Variants in CSMD2 observed in about 807,000 individuals in gnomAD.
The protein encoded by CSMD2 is CUB and Sushi multiple domains 2.
In CSMD2, 130 loss-of-function variants were observed where a neutral mutation model predicts 398.5. The observed-to-expected ratio is 0.33, with a 90% CI of 0.28 to 0.38. CSMD2 has a LOEUF of 0.38. CSMD2 is among the 10% of genes least tolerant of loss of function. CSMD2 has a pLI of 1.00. For synonymous variants in CSMD2, 1,828 were observed against 1,908.5 expected, an observed-to-expected ratio of 0.96 and a Z score of 1.10; for missense variants, 3,829 against 4,764.9, an observed-to-expected ratio of 0.80 and a Z score of 5.78.
At chr1:33,994,599 G>A (rs1471349332) in intron 3 of CSMD2, among the ~76,000 whole-genome samples, 5 of 151,986 alleles carry the variant, frequency 3.3e-5, no homozygotes, top group African/African-American at 7.3e-5. Flanking sequence ...CCAGCACATG[G>A]TAGATATTCC....
Position 33,540,558 on chromosome 1 carries a change from C to T in CSMD2, c.9598G>A (p.Gly3200Arg). 6.2e-7 allele frequency: 1 copy of T among 1,614,202 alleles called. No homozygotes were observed. Among genetic ancestry groups the T allele is most frequent in the Admixed American group, 1.7e-5 (1 of 60,030 alleles). The part of the protein sequence containing the change: ...LPAVFTCEGN[G>R]SWTGELPQCF... Reference sequence around the variant, plus strand: ...TGAGGCAGCTCTCCGGTCCAGGACCCATTTCCCTCACAGGTGAACACCGCG... The same window carrying T: ...TGAGGCAGCTCTCCGGTCCAGGACCTATTTCCCTCACAGGTGAACACCGCG... Residue 3200 changes from glycine (G) to arginine (R), a missense_variant, in exon 60 of 71, where the codon GGG becomes AGG. Gly to Arg is a moderately radical substitution (Grantham distance 125). Coordinates refer to ENST00000373381, the MANE Select transcript of CSMD2 (RefSeq NM_001281956.2).
chr1:34,083,201 GATCACAC>G (rs1657458273), intron 2 of CSMD2, among the ~76,000 whole-genome samples: 1 of 152,136 alleles, frequency 6.6e-6, no homozygotes, highest in Non-Finnish European at 1.5e-5. Flanking sequence ...TGTGTGGTTA[GATCACAC>G]ACACAAAAAA....
At chr1:34,064,245 T>G (rs1198394027) in intron 2 of CSMD2, among the ~76,000 whole-genome samples, 1 of 152,176 alleles carries the variant, frequency 6.6e-6, no homozygotes, top group African/African-American at 2.4e-5. Context: ...GAATTTCTCC[T>G]CAAAAAATGG....
At chr1:33,517,091 C>A (rs1397370658) in intron 70 of CSMD2, among the ~76,000 whole-genome samples, 4 of 152,128 alleles carry the variant, frequency 2.6e-5, no homozygotes, top group Non-Finnish European at 5.9e-5. Context: ...ACCGCACAGG[C>A]CTCGTTGCTT....
intron 2 of CSMD2, among the ~76,000 whole-genome samples, chr1:34,054,450 G>A (rs1283600378): frequency 6.6e-6 from 1 of 152,120 alleles, no homozygotes; most frequent in African/African-American, 2.4e-5. Flanking sequence ...GGCCAGGTGC[G>A]GTGGCTCATG....
chr1:33,840,166 T>A (rs151073639), intron 6 of CSMD2: 7 of 152,318 alleles, frequency 4.6e-5, no homozygotes, highest in African/African-American at 1.7e-4. Context: ...TTTGTCATTA[T>A]TAATAAGCCA....
intron 44 of CSMD2, among the ~76,000 whole-genome samples, chr1:33,597,301 CCT>C (rs1437118955): frequency 1.3e-5 from 2 of 152,030 alleles, no homozygotes; most frequent in Non-Finnish European, 2.9e-5. Context: ...TCTTGAATAT[CCT>C]CTCTTAGGTT....
At chr1:34,080,484 C>A (rs1021464762) in intron 2 of CSMD2, among the ~76,000 whole-genome samples, 1 of 151,942 alleles carries the variant, frequency 6.6e-6, no homozygotes, top group African/African-American at 2.4e-5. Flanking sequence ...GGAAACAAGT[C>A]AACAAATTCT....
chr1:33,911,447 A>T (rs943309586), intron 5 of CSMD2, among the ~76,000 whole-genome samples: 4 of 152,210 alleles, frequency 2.6e-5, no homozygotes, highest in African/African-American at 9.6e-5. Flanking sequence ...CTAATAATTA[A>T]AGCAAGATCA....
At chr1:33,765,596 C>A (rs1162914937) in intron 13 of CSMD2, among the ~76,000 whole-genome samples, 1 of 152,128 alleles carries the variant, frequency 6.6e-6, no homozygotes, top group Non-Finnish European at 1.5e-5. Context: ...AAATTACTGA[C>A]AAATAACCAA....
At chr1:33,827,780 A>G (rs1372622849) in intron 6 of CSMD2, among the ~76,000 whole-genome samples, 1 of 152,226 alleles carries the variant, frequency 6.6e-6, no homozygotes, top group Admixed American at 6.5e-5. Flanking sequence ...AAAGTGGTTT[A>G]GGTGACTTGC....
chr1:33,707,421 T>G (rs553234647), intron 22 of CSMD2, among the ~76,000 whole-genome samples: 1 of 152,118 alleles, frequency 6.6e-6, no homozygotes, highest in African/African-American at 2.4e-5. Context: ...CTCAAATGGA[T>G]GGAGGGAAGT....
chr1:33,826,278 T>A (rs962678588), intron 6 of CSMD2, among the ~76,000 whole-genome samples: 3 of 152,076 alleles, frequency 2.0e-5, no homozygotes, highest in African/African-American at 7.3e-5. Context: ...ATTTTTTAGC[T>A]CCCTCCATTA....
intron 33 of CSMD2, among the ~76,000 whole-genome samples, 192 bp from the exon 34 acceptor site, chr1:33,625,446 C>T (rs1047576844): frequency 6.6e-6 from 1 of 152,168 alleles, no homozygotes; most frequent in Non-Finnish European, 1.5e-5. Flanking sequence ...GGACACACAG[C>T]GCTACAGCAC....
At chr1:33,561,816 G>A (rs1658576408) in intron 53 of CSMD2, among the ~76,000 whole-genome samples, 1 of 152,176 alleles carries the variant, frequency 6.6e-6, no homozygotes, top group Non-Finnish European at 1.5e-5. Flanking sequence ...AAGCATCGCA[G>A]CATCTGTAAA....
chr1:33,775,141 A>T (rs928715371), intron 12 of CSMD2, among the ~76,000 whole-genome samples: 2 of 152,236 alleles, frequency 1.3e-5, no homozygotes, highest in African/African-American at 2.4e-5. Context: ...TTATCATGAC[A>T]AATAATATCT....
intron 2 of CSMD2, among the ~76,000 whole-genome samples, chr1:34,055,880 A>G (rs376533163): frequency 8.5e-5 from 13 of 152,294 alleles, no homozygotes; most frequent in African/African-American, 3.1e-4. Flanking sequence ...CTCTTTAATC[A>G]TGGCTTGGTC....
At chr1:33,878,959 A>T (rs936975889) in intron 5 of CSMD2, among the ~76,000 whole-genome samples, 1 of 152,174 alleles carries the variant, frequency 6.6e-6, no homozygotes, top group South Asian at 2.1e-4. Context: ...GAAAAGAAAA[A>T]GCACATTCTT....
chr1:34,110,040 CAAAAAAA>C (rs57314887), intron 1 of CSMD2, among the ~76,000 whole-genome samples: 1 of 63,406 alleles, frequency 1.6e-5, no homozygotes, highest in East Asian at 5.2e-4. Context: ...GACTCTGTCT[CAAAAAAA>C]AAAAAAAAAA....
Sources: allele counts gnomAD v4.1 joint callset (sites outside exome capture counted in the v4.1 genomes callset), GRCh38; gene constraint gnomAD v4.1.1; transcripts MANE v1.5; gene names NCBI Gene and HGNC (gene_info 2026-07-23, HGNC 2026-07-21).